Variants in TENM4 observed in about 807,000 individuals in gnomAD.
TENM4 encodes teneurin-4.
Under a neutral mutation model 243.3 loss-of-function variants are expected in TENM4, and 82 were observed. That is an observed-to-expected ratio of 0.34 (90% CI 0.28 to 0.40). TENM4 has a LOEUF of 0.40. TENM4 is among the 10% of genes least tolerant of loss of function. The probability of loss-of-function intolerance (pLI) is 1.00; values close to 1 mark genes in which losing one functional copy is unlikely to be tolerated. For synonymous variants in TENM4, 1,412 were observed against 1,456.3 expected (o/e 0.97, Z 0.69); for missense variants, 3,138 against 3,673.3 (o/e 0.85, Z 3.77).
intron 9 of TENM4, among the ~76,000 whole-genome samples, chr11:78,883,780 T>C (rs973616137): frequency 1.3e-5 from 2 of 152,236 alleles, no homozygotes; most frequent in East Asian, 3.8e-4. Context: ...AGTTTTGTCC[T>C]AGTTAGAGAA....
At chr11:78,749,040 T>C (rs1275857695) in intron 19 of TENM4, among the ~76,000 whole-genome samples, 2 of 152,182 alleles carry the variant, frequency 1.3e-5, no homozygotes, top group Non-Finnish European at 2.9e-5. Context: ...CTGCTAATGC[T>C]TTCTGTGATG....
chr11:78,670,603 G>C, intron 31 of TENM4, 52 bp from the exon 32 acceptor site: 1 of 1,532,216 alleles, frequency 6.5e-7, no homozygotes, highest in Non-Finnish European at 8.8e-7. Context: ...AGGAGAAAGG[G>C]TAGGTCTACA....
chr11:78,676,806 T>G (rs117733322), intron 29 of TENM4, among the ~76,000 whole-genome samples: 2,726 of 152,380 alleles, frequency 0.018, 37 homozygotes, highest in Middle Eastern at 0.034. Context: ...GATACTCAGT[T>G]TGATTCCAGT....
intron 2 of TENM4, among the ~76,000 whole-genome samples, chr11:79,281,883 C>A (rs1246623781): frequency 6.6e-6 from 1 of 152,204 alleles, no homozygotes; most frequent in African/African-American, 2.4e-5. Context: ...TCCAATTCAG[C>A]GCTGTACCTT....
At chr11:78,748,676 T>A (rs1856111067) in intron 19 of TENM4, among the ~76,000 whole-genome samples, 1 of 152,182 alleles carries the variant, frequency 6.6e-6, no homozygotes, top group Non-Finnish European at 1.5e-5. Flanking sequence ...ATTACTTAAA[T>A]TCTCAGTAGC....
At chr11:78,851,918 A>G (rs1858548974) in intron 12 of TENM4, among the ~76,000 whole-genome samples, 1 of 152,230 alleles carries the variant, frequency 6.6e-6, no homozygotes. Flanking sequence ...GTCAAAACCC[A>G]AGTTTGTGCT....
chr11:78,715,626 AAAC>A (rs1350130843), intron 25 of TENM4, among the ~76,000 whole-genome samples: 1 of 152,196 alleles, frequency 6.6e-6, no homozygotes, highest in Non-Finnish European at 1.5e-5. Flanking sequence ...AGCATAGGGA[AAAC>A]AACAACTAGC....
intron 19 of TENM4, among the ~76,000 whole-genome samples, chr11:78,754,839 G>A (rs1189854083): frequency 6.6e-6 from 1 of 152,202 alleles, no homozygotes; most frequent in Non-Finnish European, 1.5e-5. Context: ...AAGTTGGAGG[G>A]TTCGGACCAT....
At chr11:79,279,269 G>A (rs1233267831) in intron 2 of TENM4, among the ~76,000 whole-genome samples, 6 of 152,154 alleles carry the variant, frequency 3.9e-5, no homozygotes, top group Non-Finnish European at 2.9e-5. Context: ...AGGCCTTAGA[G>A]AGAGTACTCC....
At chr11:79,339,630 T>C (rs1857209617) in intron 1 of TENM4, among the ~76,000 whole-genome samples, 1 of 151,800 alleles carries the variant, frequency 6.6e-6, no homozygotes, top group Non-Finnish European at 1.5e-5. Context: ...AGAGACCGAG[T>C]AACCTGCTGG....
intron 4 of TENM4, among the ~76,000 whole-genome samples, chr11:79,113,638 C>G (rs904017075): frequency 6.6e-6 from 1 of 151,924 alleles, no homozygotes; most frequent in African/African-American, 2.4e-5. Context: ...TAACTCTCCC[C>G]TTTGCCAGCC....
Position 79,132,345 on chromosome 11 carries a change from C to CAAAAAAAAAAAAAAAAA in TENM4, c.-66+16348_-66+16364dup, listed in dbSNP as rs569082783. Reference sequence around the variant, plus strand: ...TGGGAGAAAGAGCAAGACTCCAACTCAAAAAAAAAAAAAAAAAGAGAAATG... The same window carrying CAAAAAAAAAAAAAAAAA: ...TGGGAGAAAGAGCAAGACTCCAACTCAAAAAAAAAAAAAAAAAAAAAAAAAAAAAAAAAAGAGAAATG... On this transcript the variant is annotated intron_variant, in intron 4 of 33. Transcript: ENST00000278550. Among the ~76,000 whole-genome samples, 310 of 49,874 alleles carry CAAAAAAAAAAAAAAAAA rather than the reference C, an allele frequency of 6.2e-3. 25 individuals are homozygous for CAAAAAAAAAAAAAAAAA. Among genetic ancestry groups the CAAAAAAAAAAAAAAAAA allele is most frequent in the African/African-American group, 8.6e-3 (125 of 14,528 alleles). The allele number at this position is 49,874 out of a possible 152,430, so 32.7% of individuals were successfully genotyped here. A position where few individuals can be genotyped will look rare whatever the true frequency, so the allele number is the denominator to read the frequency against.
chr11:78,676,659 A>T (rs1858486026), intron 29 of TENM4, among the ~76,000 whole-genome samples: 1 of 152,260 alleles, frequency 6.6e-6, no homozygotes, highest in Non-Finnish European at 1.5e-5. Flanking sequence ...TAAGAGTTTT[A>T]AAACAGTTAT....
At position 78,676,369 on chromosome 11, in the gene TENM4, T is replaced by A. The variant is rs745395614; in HGVS notation, c.5279A>T (p.Tyr1760Phe). 24 of 1,601,924 alleles carry A rather than the reference T, an allele frequency of 1.5e-5. No homozygotes were observed. The East Asian group carries it at 5.4e-4, about 36-fold the overall frequency. Residue 1760 changes from tyrosine to phenylalanine, a missense_variant, in exon 30 of 34, where the codon TAC becomes TTC. Around this residue, in one of 2 missense-constraint regions of TENM4, gnomAD observed 2,467 missense variants for 3,059.1 expected, o/e 0.81. Coordinates refer to ENST00000278550, the MANE Select transcript of TENM4 (RefSeq NM_001098816.3). ...TLLQDQVRNS[Y>F]YIGADGSLRL... Reference sequence around the variant, plus strand: ...CAAGGAGCCATCGGCCCCGATGTAGTAGCTGTTCCGGACTTGGTCTGCAGG... The same window carrying A: ...CAAGGAGCCATCGGCCCCGATGTAGAAGCTGTTCCGGACTTGGTCTGCAGG...
intron 19 of TENM4, among the ~76,000 whole-genome samples, chr11:78,745,472 C>T (rs574217101): frequency 3.3e-5 from 5 of 152,008 alleles, no homozygotes; most frequent in Admixed American, 1.3e-4. Flanking sequence ...TCAAGTGACC[C>T]ACCTGCCTTG....
intron 16 of TENM4, among the ~76,000 whole-genome samples, chr11:78,782,671 C>T (rs994301876): frequency 1.3e-5 from 2 of 151,852 alleles, no homozygotes; most frequent in Non-Finnish European, 2.9e-5. Context: ...GAGGCTGAGG[C>T]AGAAGAATTG....
At chr11:79,310,890 A>G (rs1342120335) in intron 1 of TENM4, among the ~76,000 whole-genome samples, 2 of 152,240 alleles carry the variant, frequency 1.3e-5, no homozygotes, top group African/African-American at 4.8e-5. Flanking sequence ...CACTACAGCA[A>G]CTAAGTGGGT....
chr11:79,202,659 G>C (rs1406941857), intron 3 of TENM4, among the ~76,000 whole-genome samples: 1 of 152,070 alleles, frequency 6.6e-6, no homozygotes, highest in African/African-American at 2.4e-5. Flanking sequence ...TGGCCCCTGG[G>C]GACTCTGAGA....
At chr11:79,264,519 G>A (rs991812312) in intron 2 of TENM4, among the ~76,000 whole-genome samples, 2 of 152,138 alleles carry the variant, frequency 1.3e-5, no homozygotes, top group Middle Eastern at 3.2e-3. Context: ...TGGGTGTGTG[G>A]CAATACCTCC....
Sources: allele counts gnomAD v4.1 joint callset (sites outside exome capture counted in the v4.1 genomes callset), GRCh38; gene constraint gnomAD v4.1.1; regional missense constraint gnomAD v4.1.1; transcripts MANE v1.5; gene names NCBI Gene and HGNC (gene_info 2026-07-23, HGNC 2026-07-21).